PCDHA5: variants seen among roughly 807,000 people sequenced by gnomAD.
PCDHA5 encodes the protein protocadherin alpha 5, also known as protocadherin alpha-5.
In PCDHA5, 43 loss-of-function variants were observed where a neutral mutation model predicts 61.6. The observed-to-expected ratio is 0.70, with a 90% CI of 0.55 to 0.90. The LOEUF (loss-of-function observed/expected upper bound fraction) is 0.90, where lower values mean the gene tolerates loss of function less well. PCDHA5 is among the 40% of genes least tolerant of loss of function. PCDHA5 has a pLI of 0.00. For missense variants in PCDHA5, 1,298 were observed against 1,222.7 expected (o/e 1.06, Z -0.92); for synonymous variants, 627 against 543.9 (o/e 1.15, Z -2.13).
chr5:140,982,561 C>G lies in PCDHA5; in HGVS notation c.2498C>G (p.Pro833Arg), dbSNP rs560422677. ...QQWPTVSSAT[P>R]EPEAGEVSPP... The stretch of plus-strand genomic sequence containing the variant: ...TGGCCAACAGTATCCAGTGCAACAC[C>G]AGGTAAAGAGCTGGGGTCTCTCCAT... The change falls in exon 3 of 4, where the codon CCA (proline) becomes CGA (arginine). Residue 833 changes from proline (P) to arginine (R), a missense_variant and splice_region_variant. By Grantham distance (103) the Pro-to-Arg change is moderately radical. Coordinates refer to ENST00000529859, the MANE Select transcript of PCDHA5 (RefSeq NM_018908.3). The G allele has an allele frequency of 6.2e-7, 1 of 1,614,060 alleles. No individual in the cohort carries two copies. Among genetic ancestry groups the G allele is most frequent in the African/African-American group, 1.3e-5 (1 of 75,052 alleles).
At position 140,834,754 on chromosome 5, in the gene PCDHA5, A is replaced by G. The variant is rs2150225554; in HGVS notation, c.2352+10627A>G. 43 of 1,614,038 alleles carry G rather than the reference A, an allele frequency of 2.7e-5. 1 individual carries two copies. The South Asian group carries it at 3.7e-4, about 14-fold the overall frequency. Reference sequence around the variant, plus strand: ...GTTTTCCATGTGGACGTGGAGGTGAAGGACATTAACGACAACCCTCCGGTG... The same window carrying G: ...GTTTTCCATGTGGACGTGGAGGTGAGGGACATTAACGACAACCCTCCGGTG... On this transcript the variant is annotated intron_variant, in intron 1 of 3. Coordinates refer to ENST00000529859, the MANE Select transcript of PCDHA5 (RefSeq NM_018908.3).
intron 1 of PCDHA5, among the ~76,000 whole-genome samples, chr5:140,900,220 A>G (rs2067832167): frequency 6.6e-6 from 1 of 152,132 alleles, no homozygotes; most frequent in South Asian, 2.1e-4. Context: ...GTTGTTGCAA[A>G]TGACTGGATC....
intron 1 of PCDHA5, among the ~76,000 whole-genome samples, chr5:140,833,353 G>A (rs2150207714): frequency 9.9e-5 from 15 of 152,096 alleles, no homozygotes; most frequent in East Asian, 1.9e-4. Flanking sequence ...TCCAGAAAAC[G>A]AACACAGTAA....
At chr5:140,962,770 G>A (rs1387109570) in intron 1 of PCDHA5, among the ~76,000 whole-genome samples, 1 of 152,164 alleles carries the variant, frequency 6.6e-6, no homozygotes, top group Admixed American at 6.5e-5. Flanking sequence ...TTTTTAACAA[G>A]ATGGAATTTT....
Position 141,009,767 on chromosome 5 carries a change from G to T in PCDHA5, c.2641G>T (p.Ala881Ser). ...PDKFIIPGSP[A>S]IISIRQEPTN... is the part of the protein sequence containing the mutation. Reference sequence around the variant, plus strand: ...CAAATTCATTATCCCAGGATCTCCTGCAATCATCTCCATCCGGCAGGAGCC... The same window carrying T: ...CAAATTCATTATCCCAGGATCTCCTTCAATCATCTCCATCCGGCAGGAGCC... The change falls in exon 4 of 4, where the codon GCA becomes TCA. Residue 881 changes from alanine to serine, a missense_variant. Coordinates refer to ENST00000529859, the MANE Select transcript of PCDHA5 (RefSeq NM_018908.3). 1 of 1,614,108 alleles carries T rather than the reference G, an allele frequency of 6.2e-7. No individual in the cohort carries two copies. Among genetic ancestry groups the T allele is most frequent in the South Asian group, 1.1e-5 (1 of 91,072 alleles).
intron 1 of PCDHA5, among the ~76,000 whole-genome samples, chr5:140,890,993 AT>A (rs2062889744): frequency 6.6e-6 from 1 of 152,134 alleles, no homozygotes; most frequent in Non-Finnish European, 1.5e-5. Flanking sequence ...TTATTTCATC[AT>A]AATTATTGAA....
At chr5:140,884,033 C>T in intron 1 of PCDHA5, 1 of 1,613,402 alleles carries the variant, frequency 6.2e-7, no homozygotes, top group Non-Finnish European at 8.5e-7. Context: ...GGGTGCAGGC[C>T]ACGTGGTGGC....
chr5:141,009,482 C>A, intron 3 of PCDHA5, 145 bp from the exon 4 acceptor site: 1 of 1,446,086 alleles, frequency 6.9e-7, no homozygotes, highest in Non-Finnish European at 9.1e-7. Flanking sequence ...TAAACACTTG[C>A]CTTGCCCTCA....
chr5:140,851,949 A>T, intron 1 of PCDHA5: 1 of 974,358 alleles, frequency 1.0e-6, no homozygotes, highest in Non-Finnish European at 1.2e-6. Context: ...TGTGACTTTC[A>T]AAATGGTGGT....
intron 1 of PCDHA5, chr5:140,829,736 G>C (rs2150173634): frequency 6.2e-7 from 1 of 1,613,682 alleles, no homozygotes; most frequent in Non-Finnish European, 8.5e-7. Flanking sequence ...GGGCAGCAAC[G>C]TGACGCTGCA....
chr5:141,005,714 A>AAG (rs2098233543), intron 3 of PCDHA5, among the ~76,000 whole-genome samples: 1 of 148,328 alleles, frequency 6.7e-6, no homozygotes, highest in Non-Finnish European at 1.5e-5. Flanking sequence ...AAAAAAAAAA[A>AAG]AAAAAAAAAA....
intron 1 of PCDHA5, among the ~76,000 whole-genome samples, chr5:140,903,825 C>A (rs1367828043): frequency 2.0e-5 from 3 of 152,092 alleles, no homozygotes; most frequent in Admixed American, 2.0e-4. Flanking sequence ...ACATGAATGT[C>A]TGTTGGTATT....
chr5:140,838,406 G>T (rs1775717074), intron 1 of PCDHA5, among the ~76,000 whole-genome samples: 1 of 151,394 alleles, frequency 6.6e-6, no homozygotes, highest in Admixed American at 6.6e-5. Flanking sequence ...TTACAGGAGT[G>T]AGCCACCGCA....
intron 1 of PCDHA5, among the ~76,000 whole-genome samples, chr5:140,963,204 AAACCTCGTGTT>A (rs2095746581): frequency 6.6e-6 from 1 of 152,104 alleles, no homozygotes; most frequent in South Asian, 2.1e-4. Context: ...ATGAAAAAAA[AAACCTCGTGTT>A]TAGAGTAGAC....
chr5:140,899,102 G>A (rs1156372420), intron 1 of PCDHA5, among the ~76,000 whole-genome samples: 1 of 152,066 alleles, frequency 6.6e-6, no homozygotes, highest in Non-Finnish European at 1.5e-5. Flanking sequence ...TGAGATAATG[G>A]GGTTTTCTAG....
intron 1 of PCDHA5, among the ~76,000 whole-genome samples, chr5:140,973,039 C>T (rs782146596): frequency 1.3e-5 from 2 of 152,040 alleles, no homozygotes; most frequent in Non-Finnish European, 2.9e-5. Flanking sequence ...ACTTTGAGTA[C>T]TCTAGTAGAT....
rs1368587662 is a variant in PCDHA5 at position 140,863,465 on chromosome 5, T to C, written c.2352+39338T>C. 19 of 507,706 alleles carry C rather than the reference T, an allele frequency of 3.7e-5. No individual in the cohort carries two copies. The Admixed American group carries it at 3.9e-4, about 10-fold the overall frequency. 31.5% of individuals were successfully genotyped at this position (507,706 alleles called of 1,614,324 possible). Reference sequence around the variant, plus strand: ...ACTCGCAGCAAAGGAGATTTTACTCTGGAGAGTCGCCTCCCAAGGTCAACA... The same window carrying C: ...ACTCGCAGCAAAGGAGATTTTACTCCGGAGAGTCGCCTCCCAAGGTCAACA... On this transcript the variant is annotated intron_variant, in intron 1 of 3. Coordinates refer to ENST00000529859, the MANE Select transcript of PCDHA5 (RefSeq NM_018908.3).
chr5:140,994,658 T>C (rs2097643677), intron 3 of PCDHA5, among the ~76,000 whole-genome samples: 1 of 152,024 alleles, frequency 6.6e-6, no homozygotes, highest in African/African-American at 2.4e-5. Flanking sequence ...TGAGCTGAGA[T>C]CACACTACTG....
chr5:140,968,323 C>G, intron 1 of PCDHA5: 1 of 1,614,114 alleles, frequency 6.2e-7, no homozygotes, highest in Non-Finnish European at 8.5e-7. Flanking sequence ...TGCCAGTCAC[C>G]TCCTATGTCT....
Sources: gnomAD v4.1 joint callset for allele counts (sites outside exome capture counted in the v4.1 genomes callset) on GRCh38, gnomAD v4.1.1 for gene constraint, MANE v1.5 for transcripts, NCBI Gene and HGNC (gene_info 2026-07-23, HGNC 2026-07-21) for gene names.